EML5: variants seen among roughly 807,000 people sequenced by gnomAD.
EML5 encodes the protein EMAP like 5.
Under a neutral mutation model 250.0 loss-of-function variants are expected in EML5, and 120 were observed. The observed-to-expected ratio is 0.48, with a 90% CI of 0.41 to 0.56. The LOEUF (loss-of-function observed/expected upper bound fraction) is 0.56, where lower values mean the gene tolerates loss of function less well. Ranked by LOEUF, EML5 falls within the 20% of genes least tolerant of loss-of-function variation. The pLI is 0.00. For synonymous variants in EML5, 771 were observed against 806.5 expected, an observed-to-expected ratio of 0.96 and a Z score of 0.75; for missense variants, 2,006 against 2,437.6, an observed-to-expected ratio of 0.82 and a Z score of 3.73.
At chr14:88,746,150 A>G in intron 3 of EML5, 35 bp downstream of exon 3, 1 of 1,521,992 alleles carries the variant, frequency 6.6e-7, no homozygotes, top group Non-Finnish European at 9.1e-7. Context: ...TTTCCCTTCC[A>G]GTACTCATTA....
intron 1 of EML5, among the ~76,000 whole-genome samples, chr14:88,772,246 C>A (rs2094400489): frequency 6.6e-6 from 1 of 152,208 alleles, no homozygotes; most frequent in Admixed American, 6.5e-5. Context: ...TTAATCTGAA[C>A]CAGCATTCAT....
rs1020202048 is a variant in EML5 at position 88,661,927 on chromosome 14, C to A, written c.3499-97G>T. 7.3e-6 allele frequency: 8 copies of A among 1,093,474 alleles called. No homozygotes were observed. In the African/African-American group the frequency reaches 1.3e-4, roughly 17 times the overall value. 67.7% of individuals were successfully genotyped at this position (1,093,474 alleles called of 1,614,324 possible). A position where few individuals can be genotyped will look rare whatever the true frequency, so the allele number is the denominator to read the frequency against. ...TTTTTCTTTGTAGTTATGTGTGTCA[C>A]AAGTAAAATGAAAGTTTTAATGAAA... On this transcript the variant is annotated intron_variant, in intron 24 of 43. Coordinates refer to ENST00000554922, the MANE Select transcript of EML5 (RefSeq NM_183387.3).
chr14:88,642,319 T>G (rs767277455), intron 31 of EML5, among the ~76,000 whole-genome samples: 132 of 152,334 alleles, frequency 8.7e-4, no homozygotes, highest in Non-Finnish European at 1.5e-3. Context: ...AACAGAACAT[T>G]ATTTGCTCTT....
chr14:88,636,191 G>A (rs1272033721), intron 32 of EML5, among the ~76,000 whole-genome samples: 2 of 152,128 alleles, frequency 1.3e-5, no homozygotes, highest in Non-Finnish European at 2.9e-5. Flanking sequence ...CAGAGAAAAG[G>A]CTCATGCAGG....
Position 88,706,342 on chromosome 14 carries a change from A to G in EML5, c.1742T>C (p.Ile581Thr). Residue 581 changes from isoleucine to threonine, a missense_variant, in exon 11 of 44, where the codon ATT becomes ACT. Around this residue, in one of 7 missense-constraint regions of EML5, gnomAD observed 1,375 missense variants for 1,590.3 expected, o/e 0.86. Transcript: ENST00000554922. ...WSHDYQWVIS[I>T]GGADHSVFQW... is the part of the protein sequence containing the mutation. ...AAAGACAGAGTGATCTGCTCCACCAATAGAAATAACCCACTGATAATCATG... is the reference window on the plus strand; with the variant it reads ...AAAGACAGAGTGATCTGCTCCACCAGTAGAAATAACCCACTGATAATCATG... 1 of 1,610,512 alleles carries G rather than the reference A, an allele frequency of 6.2e-7. No individual in the cohort carries two copies. The highest frequency in any genetic ancestry group is 8.5e-7 in the Non-Finnish European group (1 of 1,178,378).
chr14:88,734,991 A>T (rs940723161), intron 7 of EML5, among the ~76,000 whole-genome samples: 1 of 152,190 alleles, frequency 6.6e-6, no homozygotes. Flanking sequence ...TATACTAGCT[A>T]GATACAGAAC....
rs2092165493 is a variant in EML5 at position 88,662,751 on chromosome 14, T to C, written c.3498+280A>G. Reference sequence around the variant, plus strand: ...GTAGAGATGGGGTTTCAGCATGTTATCCAGTCTGGTCTTGAACTCCTGAGC... The same window carrying C: ...GTAGAGATGGGGTTTCAGCATGTTACCCAGTCTGGTCTTGAACTCCTGAGC... On this transcript the variant is annotated intron_variant, in intron 24 of 43. Coordinates refer to ENST00000554922, the MANE Select transcript of EML5 (RefSeq NM_183387.3). 2.0e-5 allele frequency among the ~76,000 whole-genome samples: 3 copies of C among 151,818 alleles called. No individual in the cohort carries two copies. The South Asian group carries it at 6.2e-4, about 32-fold the overall frequency.
chr14:88,690,171 A>G (rs2092924732), intron 17 of EML5, among the ~76,000 whole-genome samples: 1 of 152,210 alleles, frequency 6.6e-6, no homozygotes, highest in Admixed American at 6.5e-5. Flanking sequence ...AAGGGGAGAC[A>G]GTAATGGGAA....
At chr14:88,699,579 G>C (rs17188207) in intron 14 of EML5, among the ~76,000 whole-genome samples, 35,339 of 151,950 alleles carry the variant, frequency 0.23, 4,301 homozygotes, top group East Asian at 0.37. Context: ...CTAGTGAATG[G>C]GAAAAATGGA....
chr14:88,632,849 T>G (rs1186191495), intron 33 of EML5, among the ~76,000 whole-genome samples: 1 of 152,188 alleles, frequency 6.6e-6, no homozygotes, highest in South Asian at 2.1e-4. Flanking sequence ...CTCTGAGACT[T>G]CAGTAGGCTT....
chr14:88,771,273 C>G (rs1395811267), intron 1 of EML5, among the ~76,000 whole-genome samples: 2 of 152,324 alleles, frequency 1.3e-5, no homozygotes, highest in Admixed American at 1.3e-4. Context: ...GCAGATAAGC[C>G]TGTCTTGTAC....
At position 88,712,413 on chromosome 14, in the gene EML5, G is replaced by C; in HGVS notation, c.1515C>G (p.Gly505=). The part of the protein sequence containing the change: ...VHWASWTCVS[G]LEVNGIWPKY... ...TGGGCCAAATTCCATTTACTTCAAG[G>C]CCTGAAACACATGTCCATGAAGCCC... The change falls in exon 10 of 44, where the codon GGC becomes GGG. Residue 505 remains glycine, a synonymous_variant. Coordinates refer to ENST00000554922, the MANE Select transcript of EML5 (RefSeq NM_183387.3). 6.2e-7 allele frequency: 1 copy of C among 1,613,470 alleles called. No individual in the cohort carries two copies. Among genetic ancestry groups the C allele is most frequent in the Non-Finnish European group, 8.5e-7 (1 of 1,179,692 alleles).
At chr14:88,673,538 AAG>A (rs2092521784) in intron 21 of EML5, among the ~76,000 whole-genome samples, 1 of 152,268 alleles carries the variant, frequency 6.6e-6, no homozygotes, top group African/African-American at 2.4e-5. Flanking sequence ...GCCATCAGAC[AAG>A]AGAAAGAAAT....
At chr14:88,703,170 T>C (rs574402183) in intron 13 of EML5, among the ~76,000 whole-genome samples, 13 of 152,322 alleles carry the variant, frequency 8.5e-5, no homozygotes, top group African/African-American at 2.9e-4. Context: ...ATAGTATGTA[T>C]AGTATACTAC....
Position 88,616,823 on chromosome 14 carries a change from A to C in EML5, c.5699T>G (p.Val1900Gly), listed in dbSNP as rs779212135. Residue 1900 changes from valine to glycine, a missense_variant, in exon 42 of 44, where the codon GTC becomes GGC. Around this residue, in one of 7 missense-constraint regions of EML5, gnomAD observed 405 missense variants for 523.3 expected, o/e 0.77. Coordinates refer to ENST00000554922, the MANE Select transcript of EML5 (RefSeq NM_183387.3). ...TGAATGAGATACACAGGCACAGTTG[A>C]CATCAGCTTTCTCAGCATGTCTGGA... is the stretch of plus-strand genomic sequence containing the variant. Reference protein sequence around the residue: ...IWSRHAEKADVNCACVSHSGI... With the variant: ...IWSRHAEKADGNCACVSHSGI... 2 of 1,613,978 alleles carry C rather than the reference A, an allele frequency of 1.2e-6. No homozygotes were observed. Among genetic ancestry groups the C allele is most frequent in the South Asian group, 1.1e-5 (1 of 91,086 alleles).
At chr14:88,761,679 T>C (rs146147655) in intron 1 of EML5, among the ~76,000 whole-genome samples, 43 of 152,340 alleles carry the variant, frequency 2.8e-4, no homozygotes, top group East Asian at 2.5e-3. Flanking sequence ...GTCTTTATAG[T>C]AGAATGATTT....
Position 88,625,144 on chromosome 14 carries a change from GA to G in EML5, c.4741-18del. ...CAAGTTATTCTGAAAAGGAGTGGGG[GA>G]GGGGGAGACAAACTCATCAAAAGTT... On this transcript the variant is annotated intron_variant, in intron 35 of 43. Transcript: ENST00000554922. 1 of 1,612,656 alleles carries G rather than the reference GA, an allele frequency of 6.2e-7. No individual in the cohort carries two copies. The highest frequency in any genetic ancestry group is 8.5e-7 in the Non-Finnish European group (1 of 1,179,336).
In EML5 at chr14:88,616,122, G is replaced by T; in HGVS notation, c.5897+20C>A. On this transcript the variant is annotated intron_variant, in intron 43 of 43. Coordinates refer to ENST00000554922, the MANE Select transcript of EML5 (RefSeq NM_183387.3). ...ACTAGTAACATAGTCTGCTCTTCAT[G>T]GGCTGAGAAAGTTACTAACCTGCAG... 6.2e-7 allele frequency: 1 copy of T among 1,610,806 alleles called. No individual in the cohort carries two copies. Among genetic ancestry groups the T allele is most frequent in the South Asian group, 1.1e-5 (1 of 90,976 alleles).
intron 21 of EML5, 124 bp from the exon 22 acceptor site, chr14:88,665,613 G>T: frequency 1.5e-6 from 2 of 1,302,226 alleles, no homozygotes; most frequent in Non-Finnish European, 2.1e-6. Context: ...GACTGCCCGC[G>T]GCCAGGAGGT....
Sources: allele counts gnomAD v4.1 joint callset (sites outside exome capture counted in the v4.1 genomes callset), GRCh38; gene constraint gnomAD v4.1.1; regional missense constraint gnomAD v4.1.1; transcripts MANE v1.5; gene names NCBI Gene and HGNC (gene_info 2026-07-23, HGNC 2026-07-21).